Variants in S100Z observed in about 807,000 individuals in gnomAD.
S100Z encodes the protein protein S100-Z.
S100Z carries 11 observed loss-of-function variants against 8.5 expected under a neutral mutation model. The observed-to-expected ratio is 1.30, with a 90% CI of 0.82 to 2.15. The LOEUF (loss-of-function observed/expected upper bound fraction) is 2.15, where lower values mean the gene tolerates loss of function less well. S100Z is among the 30% of genes most tolerant of loss of function. The pLI, the probability that S100Z is intolerant of heterozygous loss-of-function variation, is 0.00. For synonymous variants in S100Z, 34 were observed against 43.8 expected (o/e 0.78, Z 0.89); for missense variants, 126 against 117.9 (o/e 1.07, Z -0.32).
intron 1 of S100Z, among the ~76,000 whole-genome samples, chr5:76,858,149 C>A (rs1208238438): frequency 6.6e-6 from 1 of 152,156 alleles, no homozygotes; most frequent in Non-Finnish European, 1.5e-5. Context: ...CAAGGGATTC[C>A]ACCACACTCA....
intron 1 of S100Z, among the ~76,000 whole-genome samples, chr5:76,852,242 A>G (rs185694104): frequency 1.2e-4 from 18 of 152,032 alleles, no homozygotes; most frequent in Non-Finnish European, 1.5e-4. Context: ...AGCATGGACT[A>G]TTTCTCTGAA....
At chr5:76,914,618 G>A (rs945609481) in intron 4 of S100Z, among the ~76,000 whole-genome samples, 2 of 152,092 alleles carry the variant, frequency 1.3e-5, no homozygotes, top group Admixed American at 1.3e-4. Context: ...TTACCGTGAA[G>A]GTCTGCAGCT....
At chr5:76,873,571 T>C (rs552490393) in intron 2 of S100Z, among the ~76,000 whole-genome samples, 7 of 152,246 alleles carry the variant, frequency 4.6e-5, no homozygotes, top group African/African-American at 1.7e-4. Context: ...GTGCTGGGAT[T>C]ACAGGATTGA....
At chr5:76,861,093 G>A (rs1013156218) in intron 1 of S100Z, among the ~76,000 whole-genome samples, 15 of 152,324 alleles carry the variant, frequency 9.8e-5, no homozygotes, top group African/African-American at 3.6e-4. Context: ...TTCAGGAGTT[G>A]TTTGGTTATG....
chr5:76,927,903 G>A, the S100Z span, among the ~76,000 whole-genome samples: 1 of 152,186 alleles, frequency 6.6e-6, no homozygotes, highest in Admixed American at 6.5e-5. Context: ...GCAAATACAT[G>A]GAAAAGCCAG....
chr5:76,945,974 A>T, the S100Z span, among the ~76,000 whole-genome samples: 2 of 152,282 alleles, frequency 1.3e-5, no homozygotes, highest in East Asian at 3.9e-4. Flanking sequence ...TCCAAAGGCC[A>T]TTGTGCAAAC....
intron 4 of S100Z, among the ~76,000 whole-genome samples, chr5:76,890,224 A>G (rs889571731): frequency 2.0e-5 from 3 of 152,128 alleles, no homozygotes; most frequent in African/African-American, 7.2e-5. Flanking sequence ...GGGTTTCACC[A>G]TGTTGGCCAG....
chr5:76,855,595 G>C (rs533403289), intron 1 of S100Z, among the ~76,000 whole-genome samples: 22 of 152,174 alleles, frequency 1.4e-4, no homozygotes, highest in Non-Finnish European at 2.9e-4. Flanking sequence ...TGGAACAGGA[G>C]TATTTACCTA....
At chr5:76,913,899 A>G (rs1443301833) in intron 4 of S100Z, among the ~76,000 whole-genome samples, 3 of 152,216 alleles carry the variant, frequency 2.0e-5, no homozygotes, top group Non-Finnish European at 2.9e-5. Context: ...CTCTTATACC[A>G]ACTTCTGGAG....
At chr5:76,882,749 T>A (rs2150649670) in intron 4 of S100Z, among the ~76,000 whole-genome samples, 1 of 152,298 alleles carries the variant, frequency 6.6e-6, no homozygotes, top group South Asian at 2.1e-4. Context: ...CGTGAAGCCT[T>A]GTGGCAGTAC....
downstream of S100Z, among the ~76,000 whole-genome samples, chr5:76,926,489 A>G (rs577789823): frequency 5.9e-5 from 9 of 152,290 alleles, no homozygotes; most frequent in African/African-American, 2.2e-4. Flanking sequence ...GGGCTAAAAC[A>G]GAGCCCTCCC....
rs12657813 is a variant in S100Z, at chr5:76,895,916, C to G, written c.*2+18082C>G. On this transcript the variant is annotated intron_variant, in intron 4 of 4. Coordinates refer to ENST00000317593, the MANE Select transcript of S100Z (RefSeq NM_130772.4). ...TAGCTGGGATTACAGGCACCCACCA[C>G]CACGCCTGGCTAATTTTTGTATTTT... 0.011 allele frequency among the ~76,000 whole-genome samples: 1,662 copies of G among 151,936 alleles called. 60 individuals are homozygous for G. In the East Asian group the frequency reaches 0.12, roughly 11 times the overall value.
the S100Z span, among the ~76,000 whole-genome samples, chr5:76,946,922 T>C: frequency 6.6e-6 from 1 of 152,234 alleles, no homozygotes; most frequent in Admixed American, 6.5e-5. Context: ...GCATCCCTTC[T>C]TCTGAAAACT....
the S100Z span, among the ~76,000 whole-genome samples, chr5:76,926,759 GA>G: frequency 6.6e-6 from 1 of 152,164 alleles, no homozygotes. Context: ...CTCTTCTCAG[GA>G]ATTGACAGTT....
the S100Z span, among the ~76,000 whole-genome samples, chr5:76,932,449 G>C: frequency 6.6e-6 from 1 of 152,086 alleles, no homozygotes; most frequent in Non-Finnish European, 1.5e-5. Flanking sequence ...AGCCTCCCAG[G>C]TTCAAGCAAT....
At chr5:76,876,494 G>A (rs1743198468) in intron 3 of S100Z, among the ~76,000 whole-genome samples, 2 of 151,794 alleles carry the variant, frequency 1.3e-5, no homozygotes, top group African/African-American at 4.8e-5. Context: ...TCAGCCTCCG[G>A]AGTAACTGGG....
chr5:76,906,370 C>T (rs1744422436), intron 4 of S100Z, among the ~76,000 whole-genome samples: 1 of 152,106 alleles, frequency 6.6e-6, no homozygotes, highest in African/African-American at 2.4e-5. Context: ...CAATAGATCT[C>T]CAAAAGTTTT....
At chr5:76,950,318 AAGCCAAGTGC>A in the S100Z span, among the ~76,000 whole-genome samples, 1 of 152,188 alleles carries the variant, frequency 6.6e-6, no homozygotes, top group Admixed American at 6.5e-5. Flanking sequence ...GTGACTGTGA[AAGCCAAGTGC>A]AGCCTGTGGA....
At chr5:76,910,169 CCTT>C (rs1744598102) in intron 4 of S100Z, among the ~76,000 whole-genome samples, 2 of 152,172 alleles carry the variant, frequency 1.3e-5, no homozygotes, top group Non-Finnish European at 2.9e-5. Context: ...GGAAGAAAAT[CCTT>C]CTGCTATCCT....
Sources: allele counts gnomAD v4.1 joint callset (sites outside exome capture counted in the v4.1 genomes callset), GRCh38; gene constraint gnomAD v4.1.1; transcripts MANE v1.5; gene names NCBI Gene and HGNC (gene_info 2026-07-23, HGNC 2026-07-21).